Variants in CADPS2 observed in about 807,000 individuals in gnomAD.
The protein encoded by CADPS2 is calcium-dependent secretion activator 2.
In CADPS2, 93 loss-of-function variants were observed where a neutral mutation model predicts 172.5. That is an observed-to-expected ratio of 0.54 (90% CI 0.46 to 0.64). The LOEUF (loss-of-function observed/expected upper bound fraction) is 0.64, where lower values mean the gene tolerates loss of function less well. Among genes scored for constraint, CADPS2 ranks in the 30% least tolerant of loss-of-function variants. The pLI, the probability that CADPS2 is intolerant of heterozygous loss-of-function variation, is 0.00. For missense variants in CADPS2, 1,420 were observed against 1,565.9 expected, an observed-to-expected ratio of 0.91 and a Z score of 1.57; for synonymous variants, 546 against 555.2, an observed-to-expected ratio of 0.98 and a Z score of 0.23.
intron 7 of CADPS2, among the ~76,000 whole-genome samples, chr7:122,575,086 TA>T (rs1398377218): frequency 3.9e-5 from 6 of 151,940 alleles, no homozygotes; most frequent in East Asian, 3.9e-4. Flanking sequence ...AAAATAGTCT[TA>T]TTTTTTTCTT....
At chr7:122,717,707 C>T (rs973581742) in intron 2 of CADPS2, among the ~76,000 whole-genome samples, 2 of 152,092 alleles carry the variant, frequency 1.3e-5, no homozygotes, top group African/African-American at 2.4e-5. Flanking sequence ...ATAAATGCAC[C>T]TTGGTGAGGG....
At chr7:122,837,536 A>T (rs533754014) in intron 1 of CADPS2, among the ~76,000 whole-genome samples, 4 of 152,228 alleles carry the variant, frequency 2.6e-5, no homozygotes, top group African/African-American at 7.2e-5. Context: ...CACTAGCAAG[A>T]CTAATAAAGA....
At position 122,384,132 on chromosome 7, in the gene CADPS2, C is replaced by T. The variant is rs563152373; in HGVS notation, c.3312+2894G>A. ...CTGCTGACTCATTTCACACAGCTGT[C>T]ACATGAGCAGATCATTCACCCACTA... is the stretch of plus-strand genomic sequence containing the variant. On this transcript the variant is annotated intron_variant, in intron 24 of 29. Transcript: ENST00000449022. 1.9e-3 allele frequency among the ~76,000 whole-genome samples: 287 copies of T among 152,200 alleles called. 1 individual carries two copies. The highest frequency in any genetic ancestry group is 6.5e-3 in the African/African-American group (272 of 41,550).
chr7:122,622,522 G>T lies in CADPS2; in HGVS notation c.868-805C>A, dbSNP rs537831052. Among the ~76,000 whole-genome samples the T allele has an allele frequency of 4.6e-5, 7 of 152,212 alleles. No individual in the cohort carries two copies. In the South Asian group the frequency reaches 1.5e-3, roughly 32 times the overall value. On this transcript the variant is annotated intron_variant, in intron 4 of 29. Coordinates refer to ENST00000449022, the MANE Select transcript of CADPS2 (RefSeq NM_017954.11). ...TGTTCCAAATATTGATATTTAGATG[G>T]TGCCGAATCATTCTTAGAGAAGATT...
intron 2 of CADPS2, among the ~76,000 whole-genome samples, chr7:122,716,317 T>C (rs1280500073): frequency 2.0e-5 from 3 of 152,104 alleles, no homozygotes; most frequent in Admixed American, 2.0e-4. Context: ...GCTACATTTC[T>C]GATATCTAAA....
intron 14 of CADPS2, among the ~76,000 whole-genome samples, chr7:122,464,307 T>C (rs2054858087): frequency 6.6e-6 from 1 of 152,184 alleles, no homozygotes; most frequent in Non-Finnish European, 1.5e-5. Context: ...TTAGATATTA[T>C]TAGATTGTAA....
At chr7:122,885,871 T>C (rs1240691211) in intron 1 of CADPS2, 128 bp downstream of exon 1, 3 of 1,140,784 alleles carry the variant, frequency 2.6e-6, no homozygotes, top group Non-Finnish European at 3.8e-6. Flanking sequence ...AAGATTCCTC[T>C]GCCCTCAGAG....
intron 20 of CADPS2, among the ~76,000 whole-genome samples, chr7:122,404,553 C>T (rs1327370976): frequency 6.6e-6 from 1 of 152,126 alleles, no homozygotes; most frequent in Non-Finnish European, 1.5e-5. Context: ...TTCTAGGTCC[C>T]TGAGGAATCA....
chr7:122,631,063 C>G (rs150486136), intron 3 of CADPS2, among the ~76,000 whole-genome samples: 1 of 151,950 alleles, frequency 6.6e-6, no homozygotes, highest in South Asian at 2.1e-4. Context: ...GCAGTAAGTA[C>G]GGGTTCCAGG....
At chr7:122,389,265 T>G (rs1042388569) in intron 22 of CADPS2, among the ~76,000 whole-genome samples, 1 of 152,016 alleles carries the variant, frequency 6.6e-6, no homozygotes, top group Admixed American at 6.6e-5. Flanking sequence ...TAAAACGGGC[T>G]AGGTAGGGAA....
chr7:122,335,291 C>T (rs1011451510), intron 28 of CADPS2, among the ~76,000 whole-genome samples: 2 of 152,080 alleles, frequency 1.3e-5, no homozygotes, highest in African/African-American at 2.4e-5. Flanking sequence ...GCTCTGTCAC[C>T]CAGGCTGGAG....
intron 20 of CADPS2, among the ~76,000 whole-genome samples, chr7:122,404,532 A>G (rs1186733662): frequency 2.0e-5 from 3 of 152,152 alleles, no homozygotes; most frequent in Non-Finnish European, 2.9e-5. Context: ...TGGGTCAAAT[A>G]GTATTTCTAG....
At chr7:122,424,759 T>C (rs1282443372) in intron 17 of CADPS2, among the ~76,000 whole-genome samples, 1 of 146,480 alleles carries the variant, frequency 6.8e-6, no homozygotes, top group Non-Finnish European at 1.5e-5. Flanking sequence ...ACCTTGGCTC[T>C]CCCAAAGTTT....
At chr7:122,626,531 C>A (rs1192443528) in intron 4 of CADPS2, among the ~76,000 whole-genome samples, 1 of 152,030 alleles carries the variant, frequency 6.6e-6, no homozygotes, top group African/African-American at 2.4e-5. Flanking sequence ...ACTGTAACCA[C>A]CCACCACCTC....
At chr7:122,809,098 G>A (rs192913789) in intron 1 of CADPS2, among the ~76,000 whole-genome samples, 2 of 152,190 alleles carry the variant, frequency 1.3e-5, no homozygotes, top group Admixed American at 1.3e-4. Flanking sequence ...CTTCATATCT[G>A]CTTCATGTGG....
rs1302154392 is a variant in CADPS2, at chr7:122,490,238, T to A, written c.1695A>T (p.Gly565=). The A allele has an allele frequency of 6.2e-7, 1 of 1,613,122 alleles. No individual in the cohort carries two copies. The highest frequency in any genetic ancestry group is 8.5e-7 in the Non-Finnish European group (1 of 1,179,512). The stretch of plus-strand genomic sequence containing the variant: ...CATCACTGGCAAAGATTACAGTATC[T>A]CCTTCTTTAACAGCATTAAAGAACA... ...GCMFFNAVKE[G]DTVIFASDDE... The change falls in exon 11 of 30, where the codon GGA becomes GGT. Residue 565 remains glycine (G), a synonymous_variant. Transcript: ENST00000449022.
At chr7:122,695,505 T>G (rs1358133098) in intron 2 of CADPS2, among the ~76,000 whole-genome samples, 1 of 152,224 alleles carries the variant, frequency 6.6e-6, no homozygotes. Context: ...TTGATCTGTT[T>G]ACAACATTCT....
At chr7:122,698,751 C>A (rs750476006) in intron 2 of CADPS2, 2 of 1,613,736 alleles carry the variant, frequency 1.2e-6, no homozygotes, top group East Asian at 2.2e-5. Context: ...CAGTCTCTCC[C>A]AACTCTGACA....
intron 12 of CADPS2, chr7:122,480,082 T>G (rs1440647095): frequency 6.4e-6 from 3 of 470,350 alleles, no homozygotes; most frequent in African/African-American, 6.0e-5. Context: ...TCCATCAATC[T>G]GGCAACTCTA....
Sources: gnomAD v4.1 joint callset for allele counts (sites outside exome capture counted in the v4.1 genomes callset) on GRCh38, gnomAD v4.1.1 for gene constraint, MANE v1.5 for transcripts, NCBI Gene and HGNC (gene_info 2026-07-23, HGNC 2026-07-21) for gene names.